The following DEPTOR variants were observed in gnomAD, a reference collection of about 807,000 sequenced individuals.
The protein encoded by DEPTOR is DEP domain containing MTOR interacting protein.
In DEPTOR, 41 loss-of-function variants were observed where a neutral mutation model predicts 41.6. The ratio of observed to expected loss-of-function variants is 0.98; its 90% confidence interval spans 0.77 to 1.28. DEPTOR has a LOEUF of 1.28. Ranked by LOEUF, DEPTOR falls within the 50% of genes most tolerant of loss-of-function variation. DEPTOR has a pLI of 0.00. For synonymous variants in DEPTOR, 195 were observed against 192.3 expected (o/e 1.01, Z -0.12); for missense variants, 514 against 527.9 (o/e 0.97, Z 0.26).
chr8:119,878,869 G>C (rs1363988467), intron 1 of DEPTOR, among the ~76,000 whole-genome samples: 1 of 151,920 alleles, frequency 6.6e-6, no homozygotes, highest in Non-Finnish European at 1.5e-5. Flanking sequence ...CCAGCACTTT[G>C]GGAGGCTGAG....
At chr8:119,994,573 T>A (rs9656933) in intron 4 of DEPTOR, among the ~76,000 whole-genome samples, 6,507 of 152,208 alleles carry the variant, frequency 0.043, 270 homozygotes, top group South Asian at 0.17. Context: ...TTCATACGTT[T>A]TTCATAGGTA....
At position 119,957,852 on chromosome 8, in the gene DEPTOR, G is replaced by A. The variant is rs370805194; in HGVS notation, c.426-7380G>A. 2.8e-4 allele frequency among the ~76,000 whole-genome samples: 42 copies of A among 152,322 alleles called. 1 individual carries two copies. In the South Asian group the frequency reaches 8.7e-3, roughly 32 times the overall value. On this transcript the variant is annotated intron_variant, in intron 3 of 8. Transcript: ENST00000286234. ...GATTCGCCCACCTTGGCCTCCCAAA[G>A]TGCTGGGATTTTACAGGCGTGAGCC...
chr8:119,927,672 G>A (rs888317133), intron 1 of DEPTOR, among the ~76,000 whole-genome samples: 3 of 151,086 alleles, frequency 2.0e-5, no homozygotes, highest in African/African-American at 7.3e-5. Flanking sequence ...GCAATGGCAC[G>A]ATCTCAGCTC....
chr8:120,022,542 G>C (rs955874890), intron 8 of DEPTOR, among the ~76,000 whole-genome samples: 3 of 152,008 alleles, frequency 2.0e-5, no homozygotes, highest in Non-Finnish European at 4.4e-5. Flanking sequence ...CAGTCTTGAG[G>C]CTCCTAAGTC....
At chr8:119,996,751 G>A (rs1812266801) in intron 4 of DEPTOR, among the ~76,000 whole-genome samples, 1 of 152,142 alleles carries the variant, frequency 6.6e-6, no homozygotes, top group South Asian at 2.1e-4. Context: ...TTTATACAGA[G>A]CCAATATTTT....
chr8:119,958,113 C>T (rs1336037683), intron 3 of DEPTOR, among the ~76,000 whole-genome samples: 2 of 152,172 alleles, frequency 1.3e-5, no homozygotes, highest in Non-Finnish European at 2.9e-5. Flanking sequence ...ATTTAGCAGT[C>T]TAAAACAACA....
intron 1 of DEPTOR, among the ~76,000 whole-genome samples, chr8:119,894,224 A>T (rs1234165880): frequency 6.6e-6 from 1 of 151,728 alleles, no homozygotes; most frequent in Non-Finnish European, 1.5e-5. Flanking sequence ...CACCCAGCTA[A>T]TTAAAAATTT....
intron 1 of DEPTOR, among the ~76,000 whole-genome samples, chr8:119,878,389 G>A (rs1358217716): frequency 1.3e-5 from 2 of 150,792 alleles, no homozygotes; most frequent in East Asian, 2.0e-4. Context: ...GCACTATCTC[G>A]GCTTACTGCA....
intron 4 of DEPTOR, among the ~76,000 whole-genome samples, chr8:119,988,958 C>CTTTTTTTTTTTTTTTTTTT (rs71571643): frequency 2.1e-5 from 2 of 93,970 alleles, no homozygotes; most frequent in African/African-American, 4.4e-5. Flanking sequence ...TTTTTTTTTT[C>CTTTTTTTTTTTTTTTTTTT]TTTTTTTTTT....
intron 8 of DEPTOR, among the ~76,000 whole-genome samples, chr8:120,013,766 T>G (rs1455911880): frequency 6.6e-6 from 1 of 151,998 alleles, no homozygotes; most frequent in African/African-American, 2.4e-5. Flanking sequence ...AGGTTTTGAA[T>G]GGGGGCAGAG....
chr8:120,007,028 T>A (rs1292154619), intron 7 of DEPTOR, among the ~76,000 whole-genome samples, 153 bp downstream of exon 7: 1 of 152,270 alleles, frequency 6.6e-6, no homozygotes, highest in Non-Finnish European at 1.5e-5. Context: ...TTTCTTGACC[T>A]CAAGGCACTA....
chr8:119,913,715 A>G (rs957836448), intron 1 of DEPTOR, among the ~76,000 whole-genome samples: 4 of 152,190 alleles, frequency 2.6e-5, no homozygotes, highest in Non-Finnish European at 5.9e-5. Flanking sequence ...CAGTTTCCTC[A>G]GGAAGCTGAG....
chr8:119,991,050 C>CT lies in DEPTOR; in HGVS notation c.605-10472dup, dbSNP rs1370450753. Among the ~76,000 whole-genome samples, 15 of 22,766 alleles carry CT rather than the reference C, an allele frequency of 6.6e-4. No homozygotes were observed. The South Asian group carries it at 7.5e-3, about 11-fold the overall frequency. 14.9% of individuals were successfully genotyped at this position (22,766 alleles called of 152,430 possible). A position where few individuals can be genotyped will look rare whatever the true frequency, so the allele number is the denominator to read the frequency against. On this transcript the variant is annotated intron_variant, in intron 4 of 8. Coordinates refer to ENST00000286234, the MANE Select transcript of DEPTOR (RefSeq NM_022783.4). ...TTTTCTTTTCTTTCTTTCTTTCTTT[C>CT]TTTCTTTCTTTCTTTCTTTCTTTCT... is the stretch of plus-strand genomic sequence containing the variant.
At chr8:119,884,381 G>A (rs534270616) in intron 1 of DEPTOR, among the ~76,000 whole-genome samples, 1 of 152,278 alleles carries the variant, frequency 6.6e-6, no homozygotes, top group African/African-American at 2.4e-5. Context: ...TATGTATGAA[G>A]TTTGGCTAAC....
intron 4 of DEPTOR, among the ~76,000 whole-genome samples, chr8:119,981,324 C>T (rs762889546): frequency 7.9e-5 from 12 of 152,148 alleles, no homozygotes; most frequent in Non-Finnish European, 1.6e-4. Context: ...CTTTCCACTC[C>T]GTTTTTACTT....
chr8:119,892,965 T>C (rs1827470680), intron 1 of DEPTOR, among the ~76,000 whole-genome samples: 2 of 152,116 alleles, frequency 1.3e-5, no homozygotes, highest in South Asian at 4.1e-4. Context: ...GTATTTTTAG[T>C]AGAGACGGGG....
chr8:120,044,051 A>C (rs1462677360), intron 8 of DEPTOR, among the ~76,000 whole-genome samples: 1 of 151,278 alleles, frequency 6.6e-6, no homozygotes, highest in Non-Finnish European at 1.5e-5. Context: ...GTTGCCAGTG[A>C]CAGAAATCAG....
chr8:119,892,516 A>G (rs922770319), intron 1 of DEPTOR, among the ~76,000 whole-genome samples: 3 of 152,230 alleles, frequency 2.0e-5, no homozygotes, highest in African/African-American at 7.2e-5. Context: ...TTATTCTATG[A>G]AATGGGTAGC....
At chr8:119,884,692 T>C (rs1445061525) in intron 1 of DEPTOR, among the ~76,000 whole-genome samples, 1 of 151,552 alleles carries the variant, frequency 6.6e-6, no homozygotes, top group Non-Finnish European at 1.5e-5. Flanking sequence ...TCCAAACACA[T>C]ATAATGAGTG....
Sources: gnomAD v4.1 joint callset for allele counts (sites outside exome capture counted in the v4.1 genomes callset) on GRCh38, gnomAD v4.1.1 for gene constraint, MANE v1.5 for transcripts, NCBI Gene and HGNC (gene_info 2026-07-23, HGNC 2026-07-21) for gene names.